Variants in PTPN21 observed in about 807,000 individuals in gnomAD.
PTPN21 encodes the protein protein tyrosine phosphatase non-receptor type 21.
PTPN21 carries 77 observed loss-of-function variants against 131.8 expected under a neutral mutation model. The ratio of observed to expected loss-of-function variants is 0.58; its 90% confidence interval spans 0.49 to 0.71. The LOEUF is 0.71. Ranked by LOEUF, PTPN21 falls within the 30% of genes least tolerant of loss-of-function variation. The pLI, the probability that PTPN21 is intolerant of heterozygous loss-of-function variation, is 0.00. For missense variants in PTPN21, 1,552 were observed against 1,527.1 expected (o/e 1.02, Z -0.27); for synonymous variants, 715 against 621.3 (o/e 1.15, Z -2.24).
In PTPN21 at chr14:88,550,490, A is replaced by G; in HGVS notation, c.-73T>C. 1.4e-6 allele frequency: 2 copies of G among 1,421,352 alleles called. No homozygotes were observed. The highest frequency in any genetic ancestry group is 2.0e-5 in the Admixed American group (1 of 50,086). 88.0% of individuals were successfully genotyped at this position (1,421,352 alleles called of 1,614,324 possible). A position where few individuals can be genotyped will look rare whatever the true frequency, so the allele number is the denominator to read the frequency against. On this transcript the variant is annotated 5_prime_UTR_variant, in exon 2 of 19. Transcript: ENST00000556564. ...CCACCAACCCAGCGCTGGTGACGCC[A>G]GGAGAAAGCGATCCTCTCCGGATGG...
At chr14:88,468,345 C>A in intron 18 of PTPN21, 80 bp from the exon 19 acceptor site, 1 of 1,388,896 alleles carries the variant, frequency 7.2e-7, no homozygotes, top group Non-Finnish European at 9.7e-7. Flanking sequence ...AGTGTCCTGG[C>A]AGAAACCTGG....
chr14:88,534,575 G>T (rs549552331), intron 2 of PTPN21, among the ~76,000 whole-genome samples: 4 of 152,184 alleles, frequency 2.6e-5, no homozygotes, highest in South Asian at 2.1e-4. Context: ...GTAAGCTGAG[G>T]TTAATTTATT....
At chr14:88,485,892 A>G (rs747703583) in intron 10 of PTPN21, 50 bp from the exon 11 acceptor site, 39 of 1,137,170 alleles carry the variant, frequency 3.4e-5, no homozygotes, top group Non-Finnish European at 4.4e-5. Context: ...TCTCTCTTAA[A>G]TTCTACCAAA....
At chr14:88,470,197 A>C in intron 15 of PTPN21, 147 bp from the exon 16 acceptor site, 1 of 711,822 alleles carries the variant, frequency 1.4e-6, no homozygotes. Flanking sequence ...CAGAATAAGG[A>C]AAGACTTTTC....
chr14:88,480,724 T>A (rs932567935), intron 12 of PTPN21, among the ~76,000 whole-genome samples: 8 of 152,234 alleles, frequency 5.3e-5, no homozygotes, highest in African/African-American at 9.6e-5. Flanking sequence ...GGATGTGGCC[T>A]TGCTGCTGCT....
intron 2 of PTPN21, among the ~76,000 whole-genome samples, chr14:88,528,087 C>T (rs2078506417): frequency 6.6e-6 from 1 of 152,100 alleles, no homozygotes. Context: ...AATGTGATGC[C>T]TCCAGATTTG....
rs775172219 is a variant in PTPN21 at position 88,480,336 on chromosome 14, G to C, written c.1095C>G (p.Pro365=). ...AGTGACAGTAGTATCCGTTCTGGTT[G>C]GGCACAAAGAGGTTATCTAGAAAAA... ...YASSQDNLFV[P]NQNGYYCHSQ... Residue 365 remains proline (P), a synonymous_variant, in exon 13 of 19, where the codon CCC becomes CCG. Transcript: ENST00000556564. 10 of 1,610,414 alleles carry C rather than the reference G, an allele frequency of 6.2e-6. No individual in the cohort carries two copies. Among genetic ancestry groups the C allele is most frequent in the Non-Finnish European group, 7.6e-6 (9 of 1,177,570 alleles).
rs1379820648 is a variant in PTPN21 at position 88,479,656 on chromosome 14, G to A, written c.1775C>T (p.Pro592Leu). 4 of 1,544,518 alleles carry A rather than the reference G, an allele frequency of 2.6e-6. No homozygotes were observed. The South Asian group carries it at 3.7e-5, about 14-fold the overall frequency. The part of the protein sequence containing the change: ...SRHLYISSSN[P>L]DLITRRVHHS... ...GTGCACGCGCCGCGTGATGAGGTCG[G>A]GGTTGCTGCTGCTGATGTAAAGGTG... is the stretch of plus-strand genomic sequence containing the variant. The change falls in exon 13 of 19, where the codon CCC becomes CTC. Residue 592 changes from proline (P) to leucine (L), a missense_variant. Pro to Leu is a moderately conservative substitution (Grantham distance 98, BLOSUM62 -3). Coordinates refer to ENST00000556564, the MANE Select transcript of PTPN21 (RefSeq NM_007039.4).
At chr14:88,517,710 ATGTGTG>A (rs544718761) in intron 2 of PTPN21, among the ~76,000 whole-genome samples, 24 of 145,018 alleles carry the variant, frequency 1.7e-4, no homozygotes, top group African/African-American at 6.1e-4. Flanking sequence ...ATGTGTATAT[ATGTGTG>A]TATGTGTATA....
At chr14:88,496,261 C>A in intron 10 of PTPN21, 152 bp downstream of exon 10, 1 of 624,200 alleles carries the variant, frequency 1.6e-6, no homozygotes, top group South Asian at 2.2e-5. Context: ...GTAGTTATTA[C>A]AAGTTGGTCC....
At chr14:88,549,849 G>T (rs1367495118) in intron 2 of PTPN21, among the ~76,000 whole-genome samples, 1 of 150,956 alleles carries the variant, frequency 6.6e-6, no homozygotes, top group African/African-American at 2.4e-5. Flanking sequence ...TGCAGCCTCT[G>T]CCTCCCACAT....
rs1252158531 is a variant in PTPN21, at chr14:88,473,649, T to A, written c.2649+16A>T. The A allele has an allele frequency of 2.5e-6, 4 of 1,601,910 alleles. No homozygotes were observed. Among genetic ancestry groups the A allele is most frequent in the Admixed American group, 1.8e-5 (1 of 56,356 alleles). On this transcript the variant is annotated intron_variant, in intron 14 of 18. Transcript: ENST00000556564. Reference sequence around the variant, plus strand: ...GTTCCAGAGAAGGCACAAAGCCCTGTGTGTCCCATACATACCCTTTCATCA... The same window carrying A: ...GTTCCAGAGAAGGCACAAAGCCCTGAGTGTCCCATACATACCCTTTCATCA...
chr14:88,503,051 TTC>T (rs1213194843), intron 6 of PTPN21, among the ~76,000 whole-genome samples: 3 of 147,396 alleles, frequency 2.0e-5, no homozygotes, highest in South Asian at 2.2e-4. Context: ...CTAAATCTTT[TTC>T]TTTTTTTTTT....
Position 88,473,651 on chromosome 14 carries a change from T to C in PTPN21, c.2649+14A>G. ...TCCAGAGAAGGCACAAAGCCCTGTGTGTCCCATACATACCCTTTCATCATT... is the reference window on the plus strand; with the variant it reads ...TCCAGAGAAGGCACAAAGCCCTGTGCGTCCCATACATACCCTTTCATCATT... On this transcript the variant is annotated intron_variant, in intron 14 of 18. Coordinates refer to ENST00000556564, the MANE Select transcript of PTPN21 (RefSeq NM_007039.4). The C allele has an allele frequency of 6.2e-7, 1 of 1,602,552 alleles. No individual in the cohort carries two copies.
Position 88,550,602 on chromosome 14 carries a change from G to A in PTPN21, c.-185C>T, listed in dbSNP as rs1051730841. On this transcript the variant is annotated 5_prime_UTR_variant, in exon 2 of 19. Transcript: ENST00000556564. The stretch of plus-strand genomic sequence containing the variant: ...CGGAGTCTCCAATGGCCCGAGGAAG[G>A]GAGCATTGACGCCAGCGCTGGGGAA... 1.2e-5 allele frequency: 7 copies of A among 590,948 alleles called. No individual in the cohort carries two copies. The Admixed American group carries it at 2.3e-4, about 19-fold the overall frequency. 36.6% of individuals were successfully genotyped at this position (590,948 alleles called of 1,614,324 possible).
intron 9 of PTPN21, 34 bp from the exon 10 acceptor site, chr14:88,496,526 A>C: frequency 1.3e-6 from 2 of 1,487,924 alleles, no homozygotes; most frequent in Non-Finnish European, 1.9e-6. Context: ...GCAATATGAA[A>C]GCACACATAC....
chr14:88,531,374 T>C (rs546947470), intron 2 of PTPN21, among the ~76,000 whole-genome samples: 4 of 151,964 alleles, frequency 2.6e-5, no homozygotes, highest in Admixed American at 2.0e-4. Flanking sequence ...CTGGCCAACA[T>C]AGTGAAACCC....
At chr14:88,504,815 T>C (rs754266445) in intron 5 of PTPN21, among the ~76,000 whole-genome samples, 1 of 152,236 alleles carries the variant, frequency 6.6e-6, no homozygotes, top group African/African-American at 2.4e-5. Context: ...TGGCACTGTG[T>C]AGACACTCAG....
intron 13 of PTPN21, among the ~76,000 whole-genome samples, chr14:88,474,895 C>T (rs1257993167): frequency 6.6e-6 from 1 of 152,082 alleles, no homozygotes; most frequent in African/African-American, 2.4e-5. Flanking sequence ...AGATTGAGAC[C>T]ATCCTGGCCA....
Sources: allele counts gnomAD v4.1 joint callset (sites outside exome capture counted in the v4.1 genomes callset), GRCh38; gene constraint gnomAD v4.1.1; transcripts MANE v1.5; gene names NCBI Gene and HGNC (gene_info 2026-07-23, HGNC 2026-07-21).